Variants in UBAC2 observed in about 807,000 individuals in gnomAD.
UBAC2 encodes the protein UBA domain containing 2.
In UBAC2, 26 loss-of-function variants were observed where a neutral mutation model predicts 44.0. That is an observed-to-expected ratio of 0.59 (90% CI 0.43 to 0.82). The LOEUF (loss-of-function observed/expected upper bound fraction) is 0.82. Ranked by LOEUF, UBAC2 falls within the 40% of genes least tolerant of loss-of-function variation. The pLI is 0.00. For missense variants in UBAC2, 329 were observed against 419.4 expected, an observed-to-expected ratio of 0.78 and a Z score of 1.88; for synonymous variants, 155 against 154.3, an observed-to-expected ratio of 1.00 and a Z score of -0.04.
At chr13:99,381,061 G>C (rs2095171167) in intron 8 of UBAC2, among the ~76,000 whole-genome samples, 1 of 152,258 alleles carries the variant, frequency 6.6e-6, no homozygotes, top group Non-Finnish European at 1.5e-5. Context: ...ATGTCTGAGA[G>C]AATGAACTCA....
At chr13:99,206,216 C>G (rs942076135) in intron 1 of UBAC2, among the ~76,000 whole-genome samples, 1 of 152,174 alleles carries the variant, frequency 6.6e-6, no homozygotes, top group Non-Finnish European at 1.5e-5. Flanking sequence ...AAATCCAGAG[C>G]TGGACTGGAT....
At chr13:99,247,359 C>A (rs1046688228) in intron 4 of UBAC2, among the ~76,000 whole-genome samples, 1 of 151,400 alleles carries the variant, frequency 6.6e-6, no homozygotes, top group African/African-American at 2.4e-5. Context: ...GGACTACAGG[C>A]GCCCGCTACC....
At chr13:99,303,833 G>A (rs984685035) in intron 4 of UBAC2, among the ~76,000 whole-genome samples, 33 of 152,154 alleles carry the variant, frequency 2.2e-4, no homozygotes, top group Admixed American at 9.2e-4. Context: ...AGGTCAACTC[G>A]GTCATTCGCT....
intron 4 of UBAC2, among the ~76,000 whole-genome samples, chr13:99,271,353 A>T (rs920858780): frequency 6.6e-6 from 1 of 152,198 alleles, no homozygotes; most frequent in Non-Finnish European, 1.5e-5. Flanking sequence ...TATTCCAGAT[A>T]TCAGAGACTG....
Position 99,340,381 on chromosome 13 carries a change from G to C in UBAC2, c.623G>C (p.Ser208Thr). Residue 208 changes from serine (S) to threonine (T), a missense_variant, in exon 7 of 9, where the codon AGC becomes ACC. Transcript: ENST00000403766. Reference sequence around the variant, plus strand: ...GTGCATCAGGTGCTCTGCATCCCCAGCTGGATGGCAAAATTCTTTTCTTGG... The same window carrying C: ...GTGCATCAGGTGCTCTGCATCCCCACCTGGATGGCAAAATTCTTTTCTTGG... The part of the protein sequence containing the change: ...FQVHQVLCIP[S>T]WMAKFFSWTL... 1 of 1,614,196 alleles carries C rather than the reference G, an allele frequency of 6.2e-7. No individual in the cohort carries two copies. Among genetic ancestry groups the C allele is most frequent in the Non-Finnish European group, 8.5e-7 (1 of 1,180,032 alleles).
chr13:99,295,968 T>C lies in UBAC2; in HGVS notation c.390-18129T>C. 1 of 1,614,100 alleles carries C rather than the reference T, an allele frequency of 6.2e-7. No individual in the cohort carries two copies. The highest frequency in any genetic ancestry group is 8.5e-7 in the Non-Finnish European group (1 of 1,179,950). ...AGGGTGGTAGAGTTGATTTTTTTCC[T>C]GTTTTGAACAATGACGACCAAGGCT... On this transcript the variant is annotated intron_variant, in intron 4 of 8. Transcript: ENST00000403766. This position sits in a 1 kb window ranked among gnomAD's most constrained non-coding sequence, Gnocchi z 4.1.
intron 4 of UBAC2, among the ~76,000 whole-genome samples, chr13:99,259,821 C>G (rs1478207699): frequency 6.6e-6 from 1 of 152,214 alleles, no homozygotes; most frequent in Non-Finnish European, 1.5e-5. Context: ...CTAAAATCAA[C>G]AGATACATTG....
At chr13:99,224,821 A>G (rs1213226647) in intron 1 of UBAC2, among the ~76,000 whole-genome samples, 1 of 152,250 alleles carries the variant, frequency 6.6e-6, no homozygotes, top group Non-Finnish European at 1.5e-5. Context: ...AGAGTTTAAT[A>G]ATAACTATTT....
At chr13:99,330,470 A>AAAAAAAAAAAAAAAAAAAAAC (rs2044701354) in intron 6 of UBAC2, among the ~76,000 whole-genome samples, 1 of 148,998 alleles carries the variant, frequency 6.7e-6, no homozygotes, top group Non-Finnish European at 1.5e-5. Flanking sequence ...AAAAAAAAAA[A>AAAAAAAAAAAAAAAAAAAAAC]AAAAAAGAAA....
rs545951729 is a variant in UBAC2, at chr13:99,215,701, G to A, written c.31+14762G>A. On this transcript the variant is annotated intron_variant, in intron 1 of 8. Coordinates refer to ENST00000403766, the MANE Select transcript of UBAC2 (RefSeq NM_001144072.2). ...AACTGCAAGCCGGCTCTCTGCGAGCGGGAAACCGCCTTTGTCTTGGCCTTT... is the reference window on the plus strand; with the variant it reads ...AACTGCAAGCCGGCTCTCTGCGAGCAGGAAACCGCCTTTGTCTTGGCCTTT... The A allele has an allele frequency of 3.6e-5, 54 of 1,499,322 alleles. 1 individual carries two copies. In the East Asian group the frequency reaches 7.5e-4, roughly 21 times the overall value. 92.9% of individuals were successfully genotyped at this position (1,499,322 alleles called of 1,614,324 possible). A position where few individuals can be genotyped will look rare whatever the true frequency, so the allele number is the denominator to read the frequency against.
chr13:99,257,211 G>A (rs1029114675), intron 4 of UBAC2, among the ~76,000 whole-genome samples: 1 of 151,754 alleles, frequency 6.6e-6, no homozygotes, highest in South Asian at 2.1e-4. Flanking sequence ...CCAAATATTG[G>A]TGTGACTAGA....
chr13:99,294,824 G>A (rs763315151), intron 4 of UBAC2: 1 of 372,872 alleles, frequency 2.7e-6, no homozygotes, highest in Non-Finnish European at 4.8e-6. Context: ...CCTCCTTTTG[G>A]TGTATTCGTT....
chr13:99,267,132 A>G (rs553126018), intron 4 of UBAC2, among the ~76,000 whole-genome samples: 1 of 152,232 alleles, frequency 6.6e-6, no homozygotes, highest in East Asian at 1.9e-4. Flanking sequence ...AGTGACTTCA[A>G]GAATCTTTTC....
At chr13:99,234,736 A>T (rs1319680688) in intron 1 of UBAC2, among the ~76,000 whole-genome samples, 4 of 152,186 alleles carry the variant, frequency 2.6e-5, no homozygotes, top group East Asian at 3.8e-4. Context: ...TTCAGGATCT[A>T]TGAGAGAGGA....
intron 7 of UBAC2, among the ~76,000 whole-genome samples, chr13:99,343,402 G>C (rs955613855): frequency 6.6e-6 from 1 of 152,080 alleles, no homozygotes. Context: ...AACATCACGG[G>C]ATCTGCCAGG....
chr13:99,371,537 T>G (rs2045406906), intron 8 of UBAC2, among the ~76,000 whole-genome samples: 1 of 152,224 alleles, frequency 6.6e-6, no homozygotes, highest in African/African-American at 2.4e-5. Context: ...TTTATAAATT[T>G]ATATTGTATA....
intron 7 of UBAC2, among the ~76,000 whole-genome samples, chr13:99,349,412 C>T (rs1024832171): frequency 2.6e-5 from 4 of 152,186 alleles, no homozygotes; most frequent in Non-Finnish European, 5.9e-5. Context: ...TAAATAAAGA[C>T]ACAAGACAAA....
intron 4 of UBAC2, among the ~76,000 whole-genome samples, chr13:99,296,596 T>C (rs1282731277): frequency 6.6e-6 from 1 of 152,228 alleles, no homozygotes; most frequent in Non-Finnish European, 1.5e-5. Context: ...CAGTTGGATT[T>C]TTTTTTAACC....
At chr13:99,370,287 G>A (rs184897774) in intron 8 of UBAC2, among the ~76,000 whole-genome samples, 5 of 152,324 alleles carry the variant, frequency 3.3e-5, no homozygotes, top group South Asian at 4.1e-4. Context: ...TTGTGTGTAT[G>A]TGTGACAGAG....
Sources: gnomAD v4.1 joint callset for allele counts (sites outside exome capture counted in the v4.1 genomes callset) on GRCh38, gnomAD v4.1.1 for gene constraint, Gnocchi (gnomAD v3.1) non-coding constraint, MANE v1.5 for transcripts, NCBI Gene and HGNC (gene_info 2026-07-23, HGNC 2026-07-21) for gene names.